Variants in BDP1 observed in about 807,000 individuals in gnomAD.
The protein encoded by BDP1 is transcription factor TFIIIB component B'' homolog.
A neutral mutation model predicts 266.6 loss-of-function variants in BDP1; 169 were observed. The ratio of observed to expected loss-of-function variants is 0.63; its 90% confidence interval spans 0.56 to 0.72. The LOEUF is 0.72. Among genes scored for constraint, BDP1 ranks in the 30% least tolerant of loss-of-function variants. BDP1 has a pLI of 0.00. For missense variants in BDP1, 3,015 were observed against 3,053.8 expected (o/e 0.99, Z 0.30); for synonymous variants, 1,090 against 1,022.4 (o/e 1.07, Z -1.26).
chr5:71,480,403 G>A (rs1464570683), intron 7 of BDP1, among the ~76,000 whole-genome samples: 4 of 150,500 alleles, frequency 2.7e-5, no homozygotes, highest in African/African-American at 9.8e-5. Context: ...CAAAGTGCTG[G>A]GATTACAGAC....
intron 26 of BDP1, among the ~76,000 whole-genome samples, chr5:71,534,488 T>C (rs927490129): frequency 6.8e-6 from 1 of 146,716 alleles, no homozygotes; most frequent in African/African-American, 2.5e-5. Context: ...ACTGTTACTT[T>C]GTAGTAAGTT....
In BDP1 at chr5:71,467,366, A is replaced by G. The variant is rs200943312; in HGVS notation, c.798A>G (p.Glu266=). ...GTGTTTATTTCAGTTTAACTGTAGA[A>G]GTTTTAAGAACAAAAGGCCCTTGTG... The part of the protein sequence containing the change: ...IILDEESLTV[E]VLRTKGPCVV... Residue 266 remains glutamate (E), a synonymous_variant, in exon 6 of 39, where the codon GAA becomes GAG. Transcript: ENST00000358731. 6.9e-5 allele frequency: 111 copies of G among 1,605,466 alleles called. No individual in the cohort carries two copies. Among genetic ancestry groups the G allele is most frequent in the Non-Finnish European group, 9.4e-5 (110 of 1,174,732 alleles).
intron 12 of BDP1, among the ~76,000 whole-genome samples, chr5:71,496,740 G>A (rs1763919899): frequency 6.6e-6 from 1 of 152,104 alleles, no homozygotes; most frequent in African/African-American, 2.4e-5. Context: ...GTGCCGCCAT[G>A]CATGGCTAAT....
chr5:71,511,147 T>C lies in BDP1; in HGVS notation c.4055T>C (p.Ile1352Thr), dbSNP rs766249197. Reference sequence around the variant, plus strand: ...TTCAGTGCTGTGCCTTCACTAGATATTCAGGTATGTATTTTTCTGTCCTTT... The same window carrying C: ...TTCAGTGCTGTGCCTTCACTAGATACTCAGGTATGTATTTTTCTGTCCTTT... ...NDFSAVPSLD[I>T]QNISSEVLSM... The change falls in exon 17 of 39, where the codon ATT becomes ACT. Residue 1352 changes from isoleucine (I) to threonine (T), a missense_variant. Physicochemically the swap from Ile to Thr is moderately conservative, Grantham distance 89. This residue lies in a region of BDP1 where 2,383 missense variants were observed against 2,404.9 expected (regional missense o/e 0.99). Transcript: ENST00000358731. The C allele has an allele frequency of 1.2e-6, 2 of 1,600,860 alleles. No homozygotes were observed. The highest frequency in any genetic ancestry group is 2.2e-5 in the East Asian group (1 of 44,800).
intron 6 of BDP1, among the ~76,000 whole-genome samples, chr5:71,468,893 C>T (rs1249928640): frequency 6.6e-5 from 10 of 152,090 alleles, no homozygotes; most frequent in Admixed American, 5.9e-4. Context: ...ACGCGTGAGC[C>T]ACTGTGCCCA....
At chr5:71,488,196 G>T (rs1019527198) in intron 9 of BDP1, among the ~76,000 whole-genome samples, 1 of 152,102 alleles carries the variant, frequency 6.6e-6, no homozygotes, top group South Asian at 2.1e-4. Flanking sequence ...CCTGATCTCG[G>T]CTCACTGAAT....
intron 32 of BDP1, 67 bp from the exon 33 acceptor site, chr5:71,548,615 A>T (rs1044420014): frequency 1.3e-5 from 12 of 953,912 alleles, no homozygotes; most frequent in Non-Finnish European, 2.1e-5. Context: ...TATCATATTG[A>T]CAGGAATAAC....
In BDP1 at chr5:71,461,994, G is replaced by A. The variant is rs571593447; in HGVS notation, c.599+68G>A. ...TTTTTTTTTTTGGAGGTGGAGTCTCGCTCTGTCACCCGGGCTGGAGTGCAG... is the reference window on the plus strand; with the variant it reads ...TTTTTTTTTTTGGAGGTGGAGTCTCACTCTGTCACCCGGGCTGGAGTGCAG... On this transcript the variant is annotated intron_variant, in intron 3 of 38. Coordinates refer to ENST00000358731, the MANE Select transcript of BDP1 (RefSeq NM_018429.3). 137 of 845,608 alleles carry A rather than the reference G, an allele frequency of 1.6e-4. 1 individual carries two copies. The South Asian group carries it at 1.8e-3, about 11-fold the overall frequency. The allele number at this position is 845,608 out of a possible 1,614,324, so 52.4% of individuals were successfully genotyped here. A position where few individuals can be genotyped will look rare whatever the true frequency, so the allele number is the denominator to read the frequency against.
At chr5:71,469,481 G>A (rs937530180) in intron 6 of BDP1, among the ~76,000 whole-genome samples, 2 of 151,996 alleles carry the variant, frequency 1.3e-5, no homozygotes, top group Non-Finnish European at 2.9e-5. Context: ...ATACTACTTA[G>A]CACATCTTAG....
At chr5:71,556,732 A>G (rs553606573) in intron 35 of BDP1, among the ~76,000 whole-genome samples, 154 bp from the exon 36 acceptor site, 12 of 152,326 alleles carry the variant, frequency 7.9e-5, no homozygotes, top group African/African-American at 2.6e-4. Context: ...TTAAAATAGT[A>G]GCAATATTTT....
intron 19 of BDP1, among the ~76,000 whole-genome samples, chr5:71,513,882 C>G (rs1296741191): frequency 6.6e-6 from 1 of 151,666 alleles, no homozygotes; most frequent in Non-Finnish European, 1.5e-5. Flanking sequence ...CCATGTCCGG[C>G]TAATTTTTTT....
chr5:71,549,288 G>C (rs538196665), intron 33 of BDP1, 132 bp from the exon 34 acceptor site: 33 of 762,490 alleles, frequency 4.3e-5, no homozygotes, highest in African/African-American at 1.4e-4. Flanking sequence ...GGGGTTGTTG[G>C]GGGGAGCATT....
Position 71,549,557 on chromosome 5 carries a change from G to A in BDP1, c.6946G>A (p.Ala2316Thr). 1 of 1,613,164 alleles carries A rather than the reference G, an allele frequency of 6.2e-7. No individual in the cohort carries two copies. Among genetic ancestry groups the A allele is most frequent in the Non-Finnish European group, 8.5e-7 (1 of 1,179,690 alleles). The change falls in exon 34 of 39, where the codon GCT becomes ACT. Residue 2316 changes from alanine to threonine, a missense_variant. Ala to Thr is a moderately conservative substitution (Grantham distance 58). Transcript: ENST00000358731. Reference sequence around the variant, plus strand: ...GTTCATGCCAAACCCTTTACTGCCAGCTCCCATATTGGTCAAATCAGTGAA... The same window carrying A: ...GTTCATGCCAAACCCTTTACTGCCAACTCCCATATTGGTCAAATCAGTGAA... ...AQFMPNPLLP[A>T]PILVKSVNTE...
chr5:71,472,039 T>TTGGA (rs1421945281), intron 7 of BDP1, among the ~76,000 whole-genome samples: 1 of 152,236 alleles, frequency 6.6e-6, no homozygotes, highest in African/African-American at 2.4e-5. Context: ...TTTTCTGGAA[T>TTGGA]TGGAGTGCTC....
At chr5:71,577,073 T>C in the BDP1 span, among the ~76,000 whole-genome samples, 15 of 152,304 alleles carry the variant, frequency 9.8e-5, 1 homozygote, top group African/African-American at 3.6e-4. Context: ...GACCTGTAAA[T>C]CTTGCCAGTT....
intron 28 of BDP1, 127 bp from the exon 29 acceptor site, chr5:71,541,327 A>G: frequency 2.0e-6 from 1 of 495,408 alleles, no homozygotes; most frequent in Non-Finnish European, 3.5e-6. Context: ...ATCTTTTTCT[A>G]TTGCTGCCAC....
At chr5:71,555,520 A>G (rs1223289662) in intron 35 of BDP1, among the ~76,000 whole-genome samples, 1 of 149,694 alleles carries the variant, frequency 6.7e-6, no homozygotes, top group African/African-American at 2.5e-5. Context: ...GCTCACTGCA[A>G]CCTCCACCTC....
intron 16 of BDP1, among the ~76,000 whole-genome samples, chr5:71,505,075 C>T (rs1764504523): frequency 6.6e-6 from 1 of 152,144 alleles, no homozygotes; most frequent in African/African-American, 2.4e-5. Context: ...AGTATAATCT[C>T]AGCTCACTGC....
intron 25 of BDP1, among the ~76,000 whole-genome samples, chr5:71,530,210 T>G (rs1766148792): frequency 6.6e-6 from 1 of 152,100 alleles, no homozygotes; most frequent in African/African-American, 2.4e-5. Context: ...AATTTTTTTT[T>G]GTTACATTTA....
Sources: gnomAD v4.1 joint callset for allele counts (sites outside exome capture counted in the v4.1 genomes callset) on GRCh38, gnomAD v4.1.1 for gene constraint, gnomAD v4.1.1 regional missense constraint, MANE v1.5 for transcripts, NCBI Gene and HGNC (gene_info 2026-07-23, HGNC 2026-07-21) for gene names.